PPP3CC: variants seen among roughly 807,000 people sequenced by gnomAD.
PPP3CC encodes the protein serine/threonine-protein phosphatase 2B catalytic subunit gamma isoform.
A neutral mutation model predicts 60.3 loss-of-function variants in PPP3CC; 35 were observed. The observed-to-expected ratio is 0.58, with a 90% CI of 0.44 to 0.77. The LOEUF is 0.77. PPP3CC is among the 30% of genes least tolerant of loss of function. PPP3CC has a pLI of 0.00. For synonymous variants in PPP3CC, 206 were observed against 224.3 expected (o/e 0.92, Z 0.73); for missense variants, 570 against 628.9 (o/e 0.91, Z 1.00).
chr8:22,475,293 T>C lies in PPP3CC; in HGVS notation c.247+142T>C. 5 of 979,420 alleles carry C rather than the reference T, an allele frequency of 5.1e-6. No individual in the cohort carries two copies. In the South Asian group the frequency reaches 8.7e-5, roughly 17 times the overall value. The allele number at this position is 979,420 out of a possible 1,614,324, so 60.7% of individuals were successfully genotyped here. A position where few individuals can be genotyped will look rare whatever the true frequency, so the allele number is the denominator to read the frequency against. Reference sequence around the variant, plus strand: ...AGACAGTCAGGATTGGTTAGGATATTTGTTGTTAATTGAAGAAATACAATT... The same window carrying C: ...AGACAGTCAGGATTGGTTAGGATATCTGTTGTTAATTGAAGAAATACAATT... On this transcript the variant is annotated intron_variant, in intron 2 of 13. Transcript: ENST00000240139.
At chr8:22,516,913 A>T (rs1314199886) in intron 6 of PPP3CC, among the ~76,000 whole-genome samples, 1 of 152,172 alleles carries the variant, frequency 6.6e-6, no homozygotes, top group Non-Finnish European at 1.5e-5. Flanking sequence ...TTTGGCCATG[A>T]GTTCAATGTT....
At chr8:22,485,500 C>T (rs369490740) in intron 3 of PPP3CC, among the ~76,000 whole-genome samples, 7 of 152,238 alleles carry the variant, frequency 4.6e-5, no homozygotes, top group East Asian at 1.9e-4. Flanking sequence ...CAACCAAAAT[C>T]GGGAGTTCAG....
chr8:22,487,485 C>T (rs552952467), intron 3 of PPP3CC, among the ~76,000 whole-genome samples: 3 of 152,104 alleles, frequency 2.0e-5, no homozygotes, highest in South Asian at 2.1e-4. Flanking sequence ...ATTAACCAGG[C>T]GTGGTGGCGT....
intron 8 of PPP3CC, among the ~76,000 whole-genome samples, chr8:22,526,446 A>G (rs547045410): frequency 1.2e-3 from 177 of 152,360 alleles, no homozygotes; most frequent in African/African-American, 4.0e-3. Context: ...CATCATAGCC[A>G]GTGTTAGGCT....
chr8:22,453,984 C>T (rs1015798205), intron 1 of PPP3CC, among the ~76,000 whole-genome samples: 2 of 152,134 alleles, frequency 1.3e-5, no homozygotes, highest in Non-Finnish European at 2.9e-5. Flanking sequence ...TACTGTAGAA[C>T]ACCGCAGGCT....
intron 3 of PPP3CC, among the ~76,000 whole-genome samples, chr8:22,479,253 GTT>G (rs1837989688): frequency 6.6e-6 from 1 of 151,626 alleles, no homozygotes; most frequent in African/African-American, 2.4e-5. Flanking sequence ...TAATAGAAAA[GTT>G]GGGAAATGCA....
At chr8:22,510,647 C>G (rs906521674) in intron 4 of PPP3CC, among the ~76,000 whole-genome samples, 1 of 152,208 alleles carries the variant, frequency 6.6e-6, no homozygotes, top group Non-Finnish European at 1.5e-5. Context: ...CATCTTCTCA[C>G]CAGCTCAGGT....
chr8:22,491,403 G>A (rs913276777), intron 3 of PPP3CC, among the ~76,000 whole-genome samples: 1 of 152,052 alleles, frequency 6.6e-6, no homozygotes, highest in Non-Finnish European at 1.5e-5. Flanking sequence ...GTATTCTACT[G>A]TTTTAATTAA....
At chr8:22,533,110 C>A in intron 12 of PPP3CC, 92 bp downstream of exon 12, 1 of 935,940 alleles carries the variant, frequency 1.1e-6, no homozygotes, top group Non-Finnish European at 1.5e-6. Flanking sequence ...TCAGAAAATG[C>A]CACGAGAGCA....
intron 3 of PPP3CC, among the ~76,000 whole-genome samples, chr8:22,479,817 T>G (rs995920763): frequency 6.6e-6 from 1 of 151,688 alleles, no homozygotes; most frequent in Non-Finnish European, 1.5e-5. Flanking sequence ...CGGGCTTTGG[T>G]ATGTCTGAAG....
At chr8:22,455,071 AAAAG>A (rs1554527992) in intron 1 of PPP3CC, among the ~76,000 whole-genome samples, 15 of 151,162 alleles carry the variant, frequency 9.9e-5, no homozygotes, top group South Asian at 8.3e-4. Context: ...AAAAAAAAAA[AAAAG>A]AAAGAAAGGA....
At chr8:22,493,594 C>T (rs1266330550) in intron 3 of PPP3CC, among the ~76,000 whole-genome samples, 3 of 151,976 alleles carry the variant, frequency 2.0e-5, no homozygotes, top group African/African-American at 2.4e-5. Flanking sequence ...CACACATGCA[C>T]GTGCGCACGC....
chr8:22,504,810 G>A (rs1421537311), intron 4 of PPP3CC, among the ~76,000 whole-genome samples: 2 of 149,170 alleles, frequency 1.3e-5, no homozygotes, highest in African/African-American at 4.9e-5. Context: ...AACCTCCCAG[G>A]CTCAAGTGGT....
At chr8:22,492,552 T>C (rs1426939241) in intron 3 of PPP3CC, 1 of 374,272 alleles carries the variant, frequency 2.7e-6, no homozygotes, top group East Asian at 5.0e-5. Flanking sequence ...CAGCTGGTGG[T>C]CCACCCGAGA....
chr8:22,523,198 A>AT (rs1047148972), intron 8 of PPP3CC, among the ~76,000 whole-genome samples: 7 of 152,194 alleles, frequency 4.6e-5, no homozygotes, highest in African/African-American at 1.7e-4. Flanking sequence ...CAAAGTCAAA[A>AT]AAAAACCTTC....
chr8:22,475,370 C>T (rs913999524), intron 2 of PPP3CC, 130 bp from the exon 3 acceptor site: 1 of 1,116,766 alleles, frequency 9.0e-7, no homozygotes, highest in Non-Finnish European at 1.3e-6. Context: ...AGATTGACTA[C>T]AGTTTTACAG....
intron 3 of PPP3CC, among the ~76,000 whole-genome samples, chr8:22,478,475 A>G (rs538990711): frequency 1.4e-4 from 21 of 152,326 alleles, no homozygotes; most frequent in Non-Finnish European, 2.6e-4. Flanking sequence ...GTGATAAATT[A>G]TTATGCCAAA....
At chr8:22,530,803 G>A (rs1315607899) in intron 10 of PPP3CC, among the ~76,000 whole-genome samples, 1 of 115,736 alleles carries the variant, frequency 8.6e-6, no homozygotes, top group East Asian at 2.9e-4. Context: ...CTGCACTCCA[G>A]CCTGGCGACA....
intron 3 of PPP3CC, among the ~76,000 whole-genome samples, 197 bp downstream of exon 3, chr8:22,475,821 A>G (rs1013788184): frequency 3.9e-5 from 6 of 152,190 alleles, no homozygotes; most frequent in Admixed American, 2.6e-4. Context: ...AAATCTGACA[A>G]ATAGGCTATA....
Sources: allele counts gnomAD v4.1 joint callset (sites outside exome capture counted in the v4.1 genomes callset), GRCh38; gene constraint gnomAD v4.1.1; transcripts MANE v1.5; gene names NCBI Gene and HGNC (gene_info 2026-07-23, HGNC 2026-07-21).